SCGB2B2: variants seen among roughly 807,000 people sequenced by gnomAD.
SCGB2B2 encodes secretoglobin family 2B member 2.
SCGB2B2 carries 11 observed loss-of-function variants against 7.6 expected under a neutral mutation model. The observed-to-expected ratio is 1.45, with a 90% CI of 0.91 to 2.40. The LOEUF is 2.40. Ranked by LOEUF, SCGB2B2 falls within the 30% of genes most tolerant of loss-of-function variation. The pLI, the probability that SCGB2B2 is intolerant of heterozygous loss-of-function variation, is 0.00. For missense variants in SCGB2B2, 104 were observed against 115.4 expected (o/e 0.90, Z 0.45); for synonymous variants, 50 against 48.6 (o/e 1.03, Z -0.12).
chr19:34,616,303 C>T (rs895903558), intron 1 of SCGB2B2, among the ~76,000 whole-genome samples: 5 of 148,812 alleles, frequency 3.4e-5, no homozygotes, highest in South Asian at 2.2e-4. Flanking sequence ...ACAGTCCCAC[C>T]GACAGGGTAA....
At position 34,676,904 on chromosome 19, in the gene SCGB2B2, G is replaced by A. The variant is rs1369177958; in HGVS notation, c.-3306C>T. On this transcript the variant is annotated 5_prime_UTR_variant, in exon 1 of 4. Coordinates refer to ENST00000601241, the MANE Select transcript of SCGB2B2 (RefSeq NM_001025591.4). ...GGGTGGGCCTAAGAAGCACTTCTGGGGAGAGGGGGCGTCAGGCTGTGATGG... is the reference window on the plus strand; with the variant it reads ...GGGTGGGCCTAAGAAGCACTTCTGGAGAGAGGGGGCGTCAGGCTGTGATGG... 1.3e-5 allele frequency: 2 copies of A among 152,202 alleles called. No homozygotes were observed. The highest frequency in any genetic ancestry group is 1.9e-4 in the East Asian group (1 of 5,176). The allele number at this position is 152,202 out of a possible 1,614,324, so 9.4% of individuals were successfully genotyped here. A position where few individuals can be genotyped will look rare whatever the true frequency, so the allele number is the denominator to read the frequency against.
At position 34,619,858 on chromosome 19, in the gene SCGB2B2, TC is replaced by T. The variant is rs2066191338; in HGVS notation, c.-2031-23265del. Among the ~76,000 whole-genome samples, 5 of 152,256 alleles carry T rather than the reference TC, an allele frequency of 3.3e-5. No individual in the cohort carries two copies. The South Asian group carries it at 1.0e-3, about 32-fold the overall frequency. Reference sequence around the variant, plus strand: ...TAAGGTGAGAATTAACATAATAATGTCCCTTTTTTAGACCCAAGAATCAAAG... The same window carrying T: ...TAAGGTGAGAATTAACATAATAATGTCCTTTTTTAGACCCAAGAATCAAAG... On this transcript the variant is annotated intron_variant, in intron 1 of 3. Transcript: ENST00000601241.
At chr19:34,608,685 A>ATATATATATATATATATG (rs1489127995) in intron 1 of SCGB2B2, 6 of 131,512 alleles carry the variant, frequency 4.6e-5, no homozygotes, top group African/African-American at 1.7e-4. Context: ...ATATATATAT[A>ATATATATATATATATATG]CCGTATTTTC....
chr19:34,586,694 G>C (rs2065195651), downstream of SCGB2B2, among the ~76,000 whole-genome samples: 1 of 152,144 alleles, frequency 6.6e-6, no homozygotes, highest in Non-Finnish European at 1.5e-5. Flanking sequence ...GCCTTCTGCA[G>C]GTTTTGTATT....
intron 1 of SCGB2B2, among the ~76,000 whole-genome samples, chr19:34,649,446 A>C (rs1199805523): frequency 1.3e-5 from 2 of 152,162 alleles, no homozygotes; most frequent in African/African-American, 4.8e-5. Flanking sequence ...GTAATGTGTA[A>C]TTATTATTCC....
At chr19:34,607,970 AT>A (rs903071315) in intron 1 of SCGB2B2, among the ~76,000 whole-genome samples, 1 of 151,524 alleles carries the variant, frequency 6.6e-6, no homozygotes, top group Non-Finnish European at 1.5e-5. Context: ...ATATTTTGGG[AT>A]TTTTTTCCTT....
intron 1 of SCGB2B2, among the ~76,000 whole-genome samples, chr19:34,603,169 A>T (rs2065679306): frequency 6.6e-6 from 1 of 152,230 alleles, no homozygotes; most frequent in South Asian, 2.1e-4. Context: ...ATTAACTTAG[A>T]TTTATGAAAG....
intron 1 of SCGB2B2, among the ~76,000 whole-genome samples, chr19:34,601,043 A>G (rs2065610042): frequency 6.6e-6 from 1 of 152,178 alleles, no homozygotes; most frequent in African/African-American, 2.4e-5. Context: ...ATTGAGGTCT[A>G]TAATCCACAT....
downstream of SCGB2B2, among the ~76,000 whole-genome samples, chr19:34,590,033 C>T (rs1416646864): frequency 1.3e-5 from 2 of 152,198 alleles, no homozygotes; most frequent in Non-Finnish European, 2.9e-5. Flanking sequence ...TTCTTCATCA[C>T]AAGTTCTCTG....
At chr19:34,628,663 T>G (rs1361493930) in intron 1 of SCGB2B2, among the ~76,000 whole-genome samples, 2 of 151,880 alleles carry the variant, frequency 1.3e-5, no homozygotes, top group Non-Finnish European at 2.9e-5. Context: ...ACCAGACAGA[T>G]TCACAGCTGA....
At chr19:34,594,427 T>C in intron 2 of SCGB2B2, 68 bp from the exon 3 acceptor site, 3 of 1,591,840 alleles carry the variant, frequency 1.9e-6, no homozygotes, top group Non-Finnish European at 2.6e-6. Flanking sequence ...CCATGGCCAA[T>C]GAGACCTTGG....
rs2065428822 is a variant in SCGB2B2 at position 34,595,616 on chromosome 19, TAGG to T, written c.-1056_-1054del. On this transcript the variant is annotated 5_prime_UTR_variant, in exon 2 of 4. Transcript: ENST00000601241. ...CTGAGCATGGGAACATGATGGCAATTAGGAGGCTTTCCTCCTCAGAGGCCTTTT... is the reference window on the plus strand; with the variant it reads ...CTGAGCATGGGAACATGATGGCAATTAGGCTTTCCTCCTCAGAGGCCTTTT... The T allele has an allele frequency of 6.6e-6, 1 of 152,292 alleles. No homozygotes were observed. The allele number at this position is 152,292 out of a possible 1,614,324, so 9.4% of individuals were successfully genotyped here.
At chr19:34,620,296 A>G (rs1209884265) in intron 1 of SCGB2B2, among the ~76,000 whole-genome samples, 3 of 152,162 alleles carry the variant, frequency 2.0e-5, no homozygotes, top group Non-Finnish European at 4.4e-5. Flanking sequence ...CATCAATGAT[A>G]GACTAGATTA....
At chr19:34,612,688 C>A (rs1238344074) in intron 1 of SCGB2B2, among the ~76,000 whole-genome samples, 1 of 152,172 alleles carries the variant, frequency 6.6e-6, no homozygotes, top group East Asian at 1.9e-4. Context: ...TAACGTGCAG[C>A]ATAAATCCAA....
At chr19:34,664,706 T>G (rs1159609466) in intron 1 of SCGB2B2, among the ~76,000 whole-genome samples, 2 of 152,124 alleles carry the variant, frequency 1.3e-5, no homozygotes, top group South Asian at 2.1e-4. Context: ...CCCCGGCCAC[T>G]GAGAAGCCCT....
intron 1 of SCGB2B2, among the ~76,000 whole-genome samples, chr19:34,667,529 T>C (rs1297393371): frequency 6.6e-6 from 1 of 151,990 alleles, no homozygotes; most frequent in Non-Finnish European, 1.5e-5. Flanking sequence ...TTTATTTACA[T>C]AGGGTGTACA....
chr19:34,668,624 C>T (rs906303581), intron 1 of SCGB2B2, among the ~76,000 whole-genome samples: 2 of 152,230 alleles, frequency 1.3e-5, no homozygotes, highest in African/African-American at 2.4e-5. Flanking sequence ...CTGGTGGGGA[C>T]TTGGAGAACC....
chr19:34,666,608 G>A (rs2067631261), intron 1 of SCGB2B2, among the ~76,000 whole-genome samples: 5 of 152,132 alleles, frequency 3.3e-5, no homozygotes, highest in African/African-American at 1.2e-4. Flanking sequence ...TCCCAGCCAA[G>A]CCACGCCCAC....
chr19:34,587,716 AG>A (rs1271267520), downstream of SCGB2B2, among the ~76,000 whole-genome samples: 1 of 152,010 alleles, frequency 6.6e-6, no homozygotes, highest in African/African-American at 2.4e-5. Context: ...TTCTATACTC[AG>A]TTTGTTAAGA....
Sources: allele counts gnomAD v4.1 joint callset (sites outside exome capture counted in the v4.1 genomes callset), GRCh38; gene constraint gnomAD v4.1.1; transcripts MANE v1.5; gene names NCBI Gene and HGNC (gene_info 2026-07-23, HGNC 2026-07-21).